ASCC3: variants seen among roughly 807,000 people sequenced by gnomAD.
The protein encoded by ASCC3 is ASC-1 complex subunit P200.
ASCC3 carries 158 observed loss-of-function variants against 256.3 expected under a neutral mutation model. The ratio of observed to expected loss-of-function variants is 0.62; its 90% CI spans 0.54 to 0.70. ASCC3 has a LOEUF of 0.70. Among genes scored for constraint, ASCC3 ranks in the 30% least tolerant of loss-of-function variants. The pLI is 0.00. For synonymous variants in ASCC3, 948 were observed against 883.4 expected (o/e 1.07, Z -1.30); for missense variants, 2,259 against 2,626.0 (o/e 0.86, Z 3.05).
rs1164501730 is a variant in ASCC3, at chr6:100,687,030, T to TCACACA, written c.2152-7279_2152-7278insTGTGTG. Among the ~76,000 whole-genome samples, 1,192 of 129,234 alleles carry TCACACA rather than the reference T, an allele frequency of 9.2e-3. 8 individuals carry two copies. The highest frequency in any genetic ancestry group is 0.032 in the East Asian group (118 of 3,640). The allele number at this position is 129,234 out of a possible 152,430, so 84.8% of individuals were successfully genotyped here. ...ACTTAAATCTCTCTCTCTCTCTCTC[T>TCACACA]CTCTCACACACACACACACACACAC... On this transcript the variant is annotated intron_variant, in intron 13 of 41. Coordinates refer to ENST00000369162, the MANE Select transcript of ASCC3 (RefSeq NM_006828.4).
intron 36 of ASCC3, among the ~76,000 whole-genome samples, chr6:100,542,845 A>C (rs1775531699): frequency 1.4e-5 from 2 of 139,886 alleles, no homozygotes; most frequent in African/African-American, 5.3e-5. Flanking sequence ...GCAGAAGACA[A>C]ATTATACCAG....
At chr6:100,614,080 G>A (rs1299238593) in intron 30 of ASCC3, among the ~76,000 whole-genome samples, 1 of 151,958 alleles carries the variant, frequency 6.6e-6, no homozygotes. Context: ...AATTTGGCAC[G>A]CTGTTGGTAG....
intron 14 of ASCC3, 74 bp from the exon 15 acceptor site, chr6:100,662,610 G>T: frequency 7.2e-7 from 1 of 1,385,744 alleles, no homozygotes; most frequent in Non-Finnish European, 1.0e-6. Flanking sequence ...TGTTGTATGA[G>T]TTCATCAAAG....
chr6:100,642,695 A>G lies in ASCC3; in HGVS notation c.3787T>C (p.Leu1263=). The change falls in exon 24 of 42, where the codon TTG becomes CTG. Residue 1263 remains leucine (L), a synonymous_variant. Coordinates refer to ENST00000369162, the MANE Select transcript of ASCC3 (RefSeq NM_006828.4). ...GCTCGGATGTAGTATTGGGAAGGCA[A>G]AGGCTCAAAAATAGGGATTGTAAAT... ...LVFTIPIFEP[L]PSQYYIRAVS... 1 of 1,613,946 alleles carries G rather than the reference A, an allele frequency of 6.2e-7. No individual in the cohort carries two copies. The highest frequency in any genetic ancestry group is 8.5e-7 in the Non-Finnish European group (1 of 1,179,874).
At chr6:100,531,074 C>T (rs1176078800) in intron 37 of ASCC3, 39 of 1,351,240 alleles carry the variant, frequency 2.9e-5, no homozygotes, top group African/African-American at 5.7e-5. Context: ...TCTTCTAGAA[C>T]GTACATAGTC....
In ASCC3 at chr6:100,800,378, C is replaced by A. The variant is rs375760969; in HGVS notation, c.1049G>T (p.Arg350Leu). 5.0e-6 allele frequency: 8 copies of A among 1,612,778 alleles called. No homozygotes were observed. In the Admixed American group the frequency reaches 6.7e-5, roughly 13 times the overall value. The change falls in exon 6 of 42, where the codon CGA becomes CTA. Residue 350 changes from arginine to leucine, a missense_variant. Physicochemically the swap from Arg to Leu is moderately radical, Grantham distance 102. Transcript: ENST00000369162. ...YRREEKRIARREKKAGEDLEV... is the reference protein window; with the variant it reads ...YRREEKRIARLEKKAGEDLEV... ...TAAATCTTCTCCAGCCTTTTTTTCTCGTCTGGCAATTCTTTTTTCTTCACG... is the reference window on the plus strand; with the variant it reads ...TAAATCTTCTCCAGCCTTTTTTTCTAGTCTGGCAATTCTTTTTTCTTCACG...
intron 4 of ASCC3, among the ~76,000 whole-genome samples, chr6:100,813,918 T>A (rs1252937190): frequency 3.3e-5 from 5 of 152,112 alleles, no homozygotes; most frequent in Non-Finnish European, 7.3e-5. Flanking sequence ...CCTCTCTTCC[T>A]ATTTTGATGC....
At chr6:100,844,235 T>C (rs1772285218) in intron 4 of ASCC3, among the ~76,000 whole-genome samples, 1 of 150,708 alleles carries the variant, frequency 6.6e-6, no homozygotes, top group Admixed American at 6.7e-5. Flanking sequence ...TTTTGCTTTG[T>C]GACTTTAGTA....
chr6:100,703,805 G>A (rs2115002916), intron 13 of ASCC3, among the ~76,000 whole-genome samples: 1 of 151,926 alleles, frequency 6.6e-6, no homozygotes, highest in African/African-American at 2.4e-5. Flanking sequence ...ACAAATGACT[G>A]TTAACAAAGG....
At chr6:100,622,774 A>G (rs1481372264) in intron 30 of ASCC3, among the ~76,000 whole-genome samples, 1 of 152,044 alleles carries the variant, frequency 6.6e-6, no homozygotes, top group African/African-American at 2.4e-5. Flanking sequence ...TATATTCTAT[A>G]GTTTCTACCT....
chr6:100,677,034 T>A (rs1411446143), intron 14 of ASCC3, among the ~76,000 whole-genome samples: 2 of 152,056 alleles, frequency 1.3e-5, no homozygotes, highest in African/African-American at 4.8e-5. Flanking sequence ...ATGTTTTGGG[T>A]TCTTAATTTC....
chr6:100,755,645 C>A (rs191407973), intron 10 of ASCC3, among the ~76,000 whole-genome samples: 2 of 152,264 alleles, frequency 1.3e-5, no homozygotes, highest in Admixed American at 1.3e-4. Context: ...GCTACACACA[C>A]ACACACAAAC....
intron 13 of ASCC3, among the ~76,000 whole-genome samples, chr6:100,681,307 G>T (rs1185513074): frequency 6.6e-6 from 1 of 152,104 alleles, no homozygotes; most frequent in African/African-American, 2.4e-5. Context: ...AAAAAGCACT[G>T]CAAGTCATCA....
intron 25 of ASCC3, among the ~76,000 whole-genome samples, chr6:100,633,420 T>C (rs1014277063): frequency 2.1e-4 from 32 of 151,998 alleles, no homozygotes; most frequent in African/African-American, 7.7e-4. Context: ...TACTGGCAAC[T>C]CGGATTTGCC....
intron 4 of ASCC3, among the ~76,000 whole-genome samples, chr6:100,820,949 T>C (rs1771009836): frequency 6.6e-6 from 1 of 152,182 alleles, no homozygotes; most frequent in African/African-American, 2.4e-5. Context: ...AGAAAGGCTA[T>C]AAAAATGGAA....
chr6:100,563,194 C>T (rs1448067533), intron 36 of ASCC3, among the ~76,000 whole-genome samples: 1 of 151,992 alleles, frequency 6.6e-6, no homozygotes, highest in African/African-American at 2.4e-5. Flanking sequence ...TAAAGACATG[C>T]ATATATTCTA....
intron 14 of ASCC3, among the ~76,000 whole-genome samples, chr6:100,665,206 A>G (rs918415751): frequency 6.6e-6 from 1 of 152,124 alleles, no homozygotes; most frequent in African/African-American, 2.4e-5. Flanking sequence ...ACATTCAACC[A>G]GCGTCAGTGG....
intron 39 of ASCC3, 145 bp from the exon 40 acceptor site, chr6:100,513,063 C>G: frequency 1.3e-6 from 1 of 762,474 alleles, no homozygotes; most frequent in South Asian, 1.8e-5. Context: ...GGAAATAATA[C>G]AGAGACATTC....
chr6:100,633,546 T>TGAAATCATAAGAAG (rs1456619911), intron 25 of ASCC3, among the ~76,000 whole-genome samples: 1 of 151,974 alleles, frequency 6.6e-6, no homozygotes, highest in Non-Finnish European at 1.5e-5. Context: ...ATTCTATCTG[T>TGAAATCATAAGAAG]GAAATCATAA....
Sources: gnomAD v4.1 joint callset for allele counts (sites outside exome capture counted in the v4.1 genomes callset) on GRCh38, gnomAD v4.1.1 for gene constraint, MANE v1.5 for transcripts, NCBI Gene and HGNC (gene_info 2026-07-23, HGNC 2026-07-21) for gene names.